EPB41L2: variants seen among roughly 807,000 people sequenced by gnomAD.
The protein encoded by EPB41L2 is erythrocyte membrane protein band 4.1 like 2.
EPB41L2 carries 43 observed loss-of-function variants against 113.0 expected under a neutral mutation model. The ratio of observed to expected loss-of-function variants is 0.38; its 90% CI spans 0.30 to 0.49. EPB41L2 has a LOEUF of 0.49. Ranked by LOEUF, EPB41L2 falls within the 20% of genes least tolerant of loss-of-function variation. The pLI is 0.95. For missense variants in EPB41L2, 1,147 were observed against 1,223.4 expected (o/e 0.94, Z 0.93); for synonymous variants, 442 against 436.7 (o/e 1.01, Z -0.15).
chr6:131,027,003 C>G (rs928248349), intron 1 of EPB41L2, among the ~76,000 whole-genome samples: 2 of 152,134 alleles, frequency 1.3e-5, no homozygotes, highest in Non-Finnish European at 2.9e-5. Flanking sequence ...ATTGTTTTAT[C>G]TACATAACTC....
intron 14 of EPB41L2, among the ~76,000 whole-genome samples, chr6:130,877,183 A>T (rs1787834821): frequency 6.6e-6 from 1 of 152,234 alleles, no homozygotes; most frequent in Non-Finnish European, 1.5e-5. Context: ...TTTCTTTTTA[A>T]GGAAAGGTGA....
At chr6:131,053,800 T>C (rs1797096658) in intron 1 of EPB41L2, among the ~76,000 whole-genome samples, 1 of 152,266 alleles carries the variant, frequency 6.6e-6, no homozygotes, top group African/African-American at 2.4e-5. Context: ...GAGTTGATCA[T>C]AACCCTCATT....
chr6:131,051,260 T>C (rs910202499), intron 1 of EPB41L2, among the ~76,000 whole-genome samples: 1 of 152,046 alleles, frequency 6.6e-6, no homozygotes, highest in African/African-American at 2.4e-5. Flanking sequence ...GGGAAACAAG[T>C]ATAATTTTAT....
In EPB41L2 at chr6:130,867,564, T is replaced by A; in HGVS notation, c.2625A>T (p.Thr875=). 6.2e-7 allele frequency: 1 copy of A among 1,613,970 alleles called. No individual in the cohort carries two copies. Among genetic ancestry groups the A allele is most frequent in the South Asian group, 1.1e-5 (1 of 91,078 alleles). ...ICCSEPPVVK[T]EMVTISDASQ... ...AGGCATCAGAAATTGTTACCATCTC[T>A]GTTTTTACCACTGGTGGCTGAGGTG... The change falls in exon 16 of 20, where the codon ACA becomes ACT. Residue 875 remains threonine, a synonymous_variant. Transcript: ENST00000337057.
At chr6:130,867,172 T>C (rs3777434) in intron 16 of EPB41L2, among the ~76,000 whole-genome samples, 49,538 of 152,118 alleles carry the variant, frequency 0.33, 8,812 homozygotes, top group East Asian at 0.45. Context: ...CTTAGATATG[T>C]CAACTCAGAA....
intron 19 of EPB41L2, among the ~76,000 whole-genome samples, chr6:130,851,540 T>A (rs1383004741): frequency 1.3e-5 from 2 of 152,214 alleles, no homozygotes; most frequent in Non-Finnish European, 2.9e-5. Context: ...AGTGGCTCCA[T>A]GACACCTAAT....
intron 3 of EPB41L2, among the ~76,000 whole-genome samples, chr6:130,954,040 CTTTTTTTTTTTT>C (rs780758511): frequency 1.2e-4 from 7 of 58,852 alleles, no homozygotes; most frequent in South Asian, 9.3e-4. Flanking sequence ...CCTTTTCTTT[CTTTTTTTTTTTT>C]TTTTTTTTTT....
intron 1 of EPB41L2, among the ~76,000 whole-genome samples, chr6:131,040,160 G>A (rs145446992): frequency 5.9e-5 from 9 of 152,324 alleles, no homozygotes; most frequent in African/African-American, 1.4e-4. Context: ...GATGGTGGCC[G>A]GGTGCAGTGG....
At chr6:130,881,074 A>C (rs1409213712) in intron 12 of EPB41L2, 1 of 152,190 alleles carries the variant, frequency 6.6e-6, no homozygotes, top group Non-Finnish European at 1.5e-5. Context: ...TCATAGTTGG[A>C]CATTTCTCAA....
chr6:130,877,124 C>T (rs1787823123), intron 14 of EPB41L2, among the ~76,000 whole-genome samples: 1 of 152,142 alleles, frequency 6.6e-6, no homozygotes, highest in African/African-American at 2.4e-5. Context: ...TCTTAAAGAG[C>T]TTTCTTTTTC....
chr6:130,894,547 C>CA, intron 9 of EPB41L2, 106 bp from the exon 10 acceptor site: 1 of 976,308 alleles, frequency 1.0e-6, no homozygotes, highest in Non-Finnish European at 1.6e-6. Flanking sequence ...TTATTCTTCT[C>CA]AAAAAAGGTA....
At chr6:130,866,517 G>C (rs1421656692) in intron 16 of EPB41L2, among the ~76,000 whole-genome samples, 1 of 152,122 alleles carries the variant, frequency 6.6e-6, no homozygotes, top group Admixed American at 6.5e-5. Context: ...CATCACTAAT[G>C]CTCCCCCGCC....
At chr6:130,995,334 C>CA (rs1005055916) in intron 1 of EPB41L2, among the ~76,000 whole-genome samples, 2 of 151,832 alleles carry the variant, frequency 1.3e-5, no homozygotes, top group South Asian at 2.1e-4. Flanking sequence ...GACTCCGTCT[C>CA]AAAAAAACAA....
intron 1 of EPB41L2, among the ~76,000 whole-genome samples, chr6:130,993,552 T>A (rs1252227388): frequency 6.6e-6 from 1 of 152,190 alleles, no homozygotes; most frequent in African/African-American, 2.4e-5. Flanking sequence ...TATAGTCTGC[T>A]GTAAACAGGA....
At chr6:131,050,676 T>C (rs570750172) in intron 1 of EPB41L2, among the ~76,000 whole-genome samples, 1 of 152,356 alleles carries the variant, frequency 6.6e-6, no homozygotes, top group South Asian at 2.1e-4. Context: ...CACCTAGTAA[T>C]GAAATTTTCA....
chr6:130,965,644 C>CAAAA (rs35081059), intron 1 of EPB41L2, among the ~76,000 whole-genome samples: 3 of 127,832 alleles, frequency 2.3e-5, no homozygotes, highest in African/African-American at 3.0e-5. Flanking sequence ...AAACAGTTAT[C>CAAAA]AAAAAAAAAA....
chr6:131,039,159 G>T (rs1303929408), intron 1 of EPB41L2, among the ~76,000 whole-genome samples: 1 of 152,220 alleles, frequency 6.6e-6, no homozygotes, highest in Non-Finnish European at 1.5e-5. Context: ...CAAGACAGCA[G>T]CTTATTGATC....
chr6:130,990,538 A>G (rs1298087811), intron 1 of EPB41L2, among the ~76,000 whole-genome samples: 3 of 152,208 alleles, frequency 2.0e-5, no homozygotes, highest in African/African-American at 4.8e-5. Context: ...GAAAGAATCA[A>G]TTCCAGTCTA....
intron 1 of EPB41L2, among the ~76,000 whole-genome samples, chr6:131,035,588 T>A (rs1387960516): frequency 6.6e-6 from 1 of 152,208 alleles, no homozygotes; most frequent in Non-Finnish European, 1.5e-5. Context: ...TAGTGACCTA[T>A]TTATTGTTAT....
Sources: gnomAD v4.1 joint callset for allele counts (sites outside exome capture counted in the v4.1 genomes callset) on GRCh38, gnomAD v4.1.1 for gene constraint, MANE v1.5 for transcripts, NCBI Gene and HGNC (gene_info 2026-07-23, HGNC 2026-07-21) for gene names.